BTAF1: variants seen among roughly 807,000 people sequenced by gnomAD.
The protein encoded by BTAF1 is B-TFIID TATA-box binding protein associated factor 1, also known as TATA-binding protein-associated factor 172.
A neutral mutation model predicts 227.1 loss-of-function variants in BTAF1; 38 were observed. The observed-to-expected ratio is 0.17, with a 90% confidence interval of 0.13 to 0.22. BTAF1 has a LOEUF of 0.22. Ranked by LOEUF, BTAF1 falls within the 10% of genes least tolerant of loss-of-function variation. The probability of loss-of-function intolerance (pLI) is 1.00; values close to 1 mark genes in which losing one functional copy is unlikely to be tolerated. For missense variants in BTAF1, 1,598 were observed against 2,204.0 expected (o/e 0.73, Z 5.51); for synonymous variants, 742 against 751.9 (o/e 0.99, Z 0.21).
At chr10:92,025,523 C>A (rs948517344) in intron 35 of BTAF1, among the ~76,000 whole-genome samples, 2 of 151,812 alleles carry the variant, frequency 1.3e-5, no homozygotes, top group Non-Finnish European at 2.9e-5. Flanking sequence ...AACAAGCATC[C>A]CAGCTGAGCG....
intron 7 of BTAF1, 89 bp from the exon 8 acceptor site, chr10:91,957,136 G>A: frequency 3.0e-6 from 3 of 1,007,288 alleles, no homozygotes; most frequent in Non-Finnish European, 4.5e-6. Context: ...GCTACTACTA[G>A]ACCTAGAAAT....
In BTAF1 at chr10:92,008,110, A is replaced by C; in HGVS notation, c.3661-13A>C. On this transcript the variant is annotated splice_polypyrimidine_tract_variant and intron_variant, in intron 25 of 37. Transcript: ENST00000265990. ...GTACGTAGTTTTTAATAACTTTAAA[A>C]AAATCATTTTAGGCAGGCATTCCAG... 6.4e-7 allele frequency: 1 copy of C among 1,567,598 alleles called. No individual in the cohort carries two copies. The highest frequency in any genetic ancestry group is 8.6e-7 in the Non-Finnish European group (1 of 1,168,020).
chr10:91,926,123 C>G (rs1280240540), intron 1 of BTAF1, among the ~76,000 whole-genome samples: 3 of 152,150 alleles, frequency 2.0e-5, no homozygotes, highest in Non-Finnish European at 2.9e-5. Context: ...TAGTTTCAAG[C>G]TGGCCTTCTC....
intron 20 of BTAF1, among the ~76,000 whole-genome samples, chr10:91,991,770 T>TAG: frequency 4.6e-5 from 1 of 21,840 alleles, no homozygotes. Flanking sequence ...AAAAAAATTA[T>TAG]ATATATGTGT....
chr10:91,971,075 G>A (rs947603918), intron 14 of BTAF1, among the ~76,000 whole-genome samples: 1 of 152,132 alleles, frequency 6.6e-6, no homozygotes, highest in Non-Finnish European at 1.5e-5. Context: ...CAGTTATTCT[G>A]ACATGTTTGT....
chr10:92,021,540 T>G (rs1004545677), intron 34 of BTAF1, among the ~76,000 whole-genome samples: 3 of 152,080 alleles, frequency 2.0e-5, no homozygotes, highest in African/African-American at 4.8e-5. Context: ...TGAGTTGTTT[T>G]TTTTTTTCTT....
Position 92,028,891 on chromosome 10 carries a change from T to A in BTAF1, c.5508T>A (p.Asp1836Glu). 1.2e-6 allele frequency: 2 copies of A among 1,602,680 alleles called. No homozygotes were observed. The highest frequency in any genetic ancestry group is 1.7e-6 in the Non-Finnish European group (2 of 1,176,308). Residue 1836 changes from aspartate to glutamate, a missense_variant, in exon 38 of 38, where the codon GAT becomes GAA. Around this residue, in one of 10 missense-constraint regions of BTAF1, gnomAD observed 79 missense variants for 97.9 expected, o/e 0.81. Coordinates refer to ENST00000265990, the MANE Select transcript of BTAF1 (RefSeq NM_003972.3). Reference protein sequence around the residue: ...LSDLWDQEQYDSEYSLENFMH... With the variant: ...LSDLWDQEQYESEYSLENFMH... ...ATCTTTGGGATCAAGAGCAGTATGA[T>A]TCAGAGTACAGCCTGGAAAATTTTA...
chr10:91,956,566 G>A lies in BTAF1; in HGVS notation c.740G>A (p.Arg247Gln), dbSNP rs1846101579. 4 of 1,598,358 alleles carry A rather than the reference G, an allele frequency of 2.5e-6. No individual in the cohort carries two copies. Among genetic ancestry groups the A allele is most frequent in the African/African-American group, 1.4e-5 (1 of 73,452 alleles). Reference sequence around the variant, plus strand: ...GATGGGGAGCCAGAAGAAAAGAGACGGAAAATAGCAAATGTTGTTATTAAT... The same window carrying A: ...GATGGGGAGCCAGAAGAAAAGAGACAGAAAATAGCAAATGTTGTTATTAAT... ...STDGEPEEKR[R>Q]KIANVVINQS... Residue 247 changes from arginine to glutamine, a missense_variant, in exon 7 of 38, where the codon CGG becomes CAG. By Grantham distance (43) the Arg-to-Gln change is conservative. Transcript: ENST00000265990.
At chr10:91,968,001 C>T (rs901622696) in intron 14 of BTAF1, among the ~76,000 whole-genome samples, 1 of 152,140 alleles carries the variant, frequency 6.6e-6, no homozygotes. Flanking sequence ...TAACATCTTG[C>T]ATTAGTGTGG....
intron 14 of BTAF1, among the ~76,000 whole-genome samples, chr10:91,972,873 T>C (rs928260096): frequency 5.3e-5 from 8 of 152,212 alleles, no homozygotes; most frequent in African/African-American, 1.9e-4. Context: ...TGCAGAAATA[T>C]TAATATATTT....
At chr10:91,986,022 A>AT (rs889503894) in intron 19 of BTAF1, among the ~76,000 whole-genome samples, 181 of 146,196 alleles carry the variant, frequency 1.2e-3, no homozygotes, top group African/African-American at 3.9e-3. Flanking sequence ...GACTTCAGTA[A>AT]TTTTTTTTTT....
intron 25 of BTAF1, among the ~76,000 whole-genome samples, chr10:92,004,170 T>A (rs893549585): frequency 6.6e-6 from 1 of 152,222 alleles, no homozygotes; most frequent in African/African-American, 2.4e-5. Context: ...TTTTTCCCAT[T>A]CTGTTGGTTG....
intron 35 of BTAF1, among the ~76,000 whole-genome samples, chr10:92,025,876 C>T (rs944368090): frequency 2.6e-5 from 4 of 151,602 alleles, no homozygotes; most frequent in African/African-American, 4.9e-5. Flanking sequence ...AGTTAGAGAC[C>T]CGGGGAGGGA....
At chr10:92,024,625 A>C in intron 34 of BTAF1, 131 bp from the exon 35 acceptor site, 2 of 762,012 alleles carry the variant, frequency 2.6e-6, no homozygotes, top group Non-Finnish European at 4.1e-6. Context: ...ATTGCAGCCC[A>C]AAGTGCTAAT....
chr10:91,952,273 A>G (rs762759995), intron 5 of BTAF1, among the ~76,000 whole-genome samples: 8 of 151,892 alleles, frequency 5.3e-5, no homozygotes, highest in Non-Finnish European at 7.4e-5. Flanking sequence ...TTCTTTTTGG[A>G]CAGCTTCATG....
chr10:91,958,999 G>A lies in BTAF1; in HGVS notation c.901-66G>A, dbSNP rs80066036. On this transcript the variant is annotated intron_variant, in intron 8 of 37. Transcript: ENST00000265990. ...AAATCCAGTATCCCTATTTCGTATA[G>A]AAGAAAAATCAAACTTTGTTTCTTA... The A allele has an allele frequency of 3.5e-6, 5 of 1,428,028 alleles. No individual in the cohort carries two copies. The East Asian group carries it at 1.1e-4, about 33-fold the overall frequency. The allele number at this position is 1,428,028 out of a possible 1,614,324, so 88.5% of individuals were successfully genotyped here.
chr10:92,014,058 G>A (rs780135727), intron 32 of BTAF1, 29 bp downstream of exon 32: 3 of 1,595,728 alleles, frequency 1.9e-6, no homozygotes, highest in Admixed American at 3.5e-5. Flanking sequence ...ATCATTGTTA[G>A]TGGTATGTTT....
At position 92,011,360 on chromosome 10, in the gene BTAF1, C is replaced by T; in HGVS notation, c.4256C>T (p.Ala1419Val). Residue 1419 changes from alanine to valine, a missense_variant, in exon 30 of 38, where the codon GCA becomes GTA. Physicochemically the swap from Ala to Val is moderately conservative, Grantham distance 64. Around this residue, in one of 10 missense-constraint regions of BTAF1, gnomAD observed 184 missense variants for 341.1 expected, o/e 0.54. Coordinates refer to ENST00000265990, the MANE Select transcript of BTAF1 (RefSeq NM_003972.3). The part of the protein sequence containing the change: ...IKNGKTKLSK[A>V]VKQLTANYRI... ...AATGGAAAAACAAAGTTGTCAAAAG[C>T]AGTAAAACAACTGACTGCTAATTAT... is the stretch of plus-strand genomic sequence containing the variant. 6.7e-7 allele frequency: 1 copy of T among 1,492,956 alleles called. No homozygotes were observed. Among genetic ancestry groups the T allele is most frequent in the South Asian group, 1.4e-5 (1 of 69,270 alleles). The allele number at this position is 1,492,956 out of a possible 1,614,324, so 92.5% of individuals were successfully genotyped here. A position where few individuals can be genotyped will look rare whatever the true frequency, so the allele number is the denominator to read the frequency against.
At chr10:91,962,797 A>G (rs759941915) in intron 12 of BTAF1, 119 bp downstream of exon 12, 7 of 845,230 alleles carry the variant, frequency 8.3e-6, no homozygotes, top group Non-Finnish European at 1.2e-5. Flanking sequence ...TTTTTTAACA[A>G]CAGCCCTCTG....
Sources: gnomAD v4.1 joint callset for allele counts (sites outside exome capture counted in the v4.1 genomes callset) on GRCh38, gnomAD v4.1.1 for gene constraint, gnomAD v4.1.1 regional missense constraint, MANE v1.5 for transcripts, NCBI Gene and HGNC (gene_info 2026-07-23, HGNC 2026-07-21) for gene names.